Variants in PDE3A observed in about 807,000 individuals in gnomAD.
PDE3A encodes phosphodiesterase 3A, also known as cGMP-inhibited 3',5'-cyclic phosphodiesterase 3A.
Under a neutral mutation model 98.3 loss-of-function variants are expected in PDE3A, and 43 were observed. The ratio of observed to expected loss-of-function variants is 0.44; its 90% confidence interval spans 0.34 to 0.56. PDE3A has a LOEUF of 0.56. Among genes scored for constraint, PDE3A ranks in the 20% least tolerant of loss-of-function variants. PDE3A has a pLI of 0.01. For missense variants in PDE3A, 1,427 were observed against 1,440.7 expected (o/e 0.99, Z 0.15); for synonymous variants, 663 against 567.9 (o/e 1.17, Z -2.38).
At chr12:20,567,827 T>C (rs897738210) in intron 2 of PDE3A, among the ~76,000 whole-genome samples, 12 of 152,032 alleles carry the variant, frequency 7.9e-5, no homozygotes, top group Non-Finnish European at 1.6e-4. Flanking sequence ...TTGGCATTAC[T>C]ATTTCTGTTC....
chr12:20,582,791 T>TGC (rs1401082812), intron 2 of PDE3A, among the ~76,000 whole-genome samples: 3 of 152,120 alleles, frequency 2.0e-5, no homozygotes, highest in Non-Finnish European at 4.4e-5. Context: ...CAAAAACAAG[T>TGC]GCACTGGTGG....
At position 20,683,122 on chromosome 12, in the gene PDE3A, G is replaced by T. The variant is rs1945840076; in HGVS notation, c.*2851G>T. 6.6e-6 allele frequency: 1 copy of T among 152,130 alleles called. No homozygotes were observed. The highest frequency in any genetic ancestry group is 2.1e-4 in the South Asian group (1 of 4,828). The allele number at this position is 152,130 out of a possible 1,614,324, so 9.4% of individuals were successfully genotyped here. On this transcript the variant is annotated 3_prime_UTR_variant, in exon 16 of 16. Transcript: ENST00000359062. ...TCTTTAAAAATAAATTGCTATTACA[G>T]CTAGACGTCAATTGGGATAAATAAA...
At chr12:20,616,174 A>G in intron 3 of PDE3A, 56 bp from the exon 4 acceptor site, 2 of 1,491,116 alleles carry the variant, frequency 1.3e-6, no homozygotes, top group Admixed American at 3.6e-5. Flanking sequence ...ATTATATTAC[A>G]TAAAATTTAA....
chr12:20,441,349 C>T (rs934858148), intron 1 of PDE3A, among the ~76,000 whole-genome samples: 5 of 151,770 alleles, frequency 3.3e-5, no homozygotes, highest in Non-Finnish European at 5.9e-5. Context: ...CAGGGAGAGA[C>T]CTGAGAAAGA....
intron 2 of PDE3A, among the ~76,000 whole-genome samples, chr12:20,580,699 G>A (rs564744431): frequency 6.6e-6 from 1 of 152,176 alleles, no homozygotes; most frequent in South Asian, 2.1e-4. Flanking sequence ...ATTATATTTT[G>A]CTATTTATTT....
At chr12:20,631,626 A>G (rs1944378119) in intron 6 of PDE3A, among the ~76,000 whole-genome samples, 1 of 151,986 alleles carries the variant, frequency 6.6e-6, no homozygotes, top group African/African-American at 2.4e-5. Flanking sequence ...CTTTTGGGAA[A>G]TAAGTCCCCT....
intron 1 of PDE3A, among the ~76,000 whole-genome samples, chr12:20,413,423 A>G (rs569725766): frequency 3.0e-3 from 458 of 152,230 alleles, no homozygotes; most frequent in African/African-American, 0.01. Context: ...TTTTAAGTGG[A>G]AAAGTGGGCT....
rs1328483189 is a variant in PDE3A at position 20,368,810 on chromosome 12, A to G, written c.-475A>G. On this transcript the variant is annotated 5_prime_UTR_variant, in exon 1 of 16. Transcript: ENST00000359062. ...CCGCGGGCCCGGCGCGCTGCAGCGC[A>G]GCGCAGCGCCGAGCTGCGCCTCGGA... Among the ~76,000 whole-genome samples the G allele has an allele frequency of 6.6e-6, 1 of 151,758 alleles. No homozygotes were observed. The highest frequency in any genetic ancestry group is 2.4e-5 in the African/African-American group (1 of 41,358).
intron 1 of PDE3A, among the ~76,000 whole-genome samples, chr12:20,540,742 A>C (rs551143013): frequency 6.6e-6 from 1 of 152,202 alleles, no homozygotes; most frequent in African/African-American, 2.4e-5. Context: ...TAGGAAACTA[A>C]AGAATTTTTC....
intron 1 of PDE3A, among the ~76,000 whole-genome samples, chr12:20,469,244 T>A (rs1008433727): frequency 6.6e-6 from 1 of 152,208 alleles, no homozygotes; most frequent in African/African-American, 2.4e-5. Context: ...TTTTTCAAAT[T>A]TTCCTAGCCA....
rs79363436 is a variant in PDE3A, at chr12:20,444,831, C to T, written c.960+74587C>T. 2.1e-4 allele frequency among the ~76,000 whole-genome samples: 32 copies of T among 152,268 alleles called. 1 individual carries two copies. The East Asian group carries it at 6.2e-3, about 29-fold the overall frequency. ...GAATCAAGCCTTAAATTGTCTGCCTCAGGCATGGTAAGAAGACTTGGACAG... is the reference window on the plus strand; with the variant it reads ...GAATCAAGCCTTAAATTGTCTGCCTTAGGCATGGTAAGAAGACTTGGACAG... On this transcript the variant is annotated intron_variant, in intron 1 of 15. Transcript: ENST00000359062.
intron 1 of PDE3A, among the ~76,000 whole-genome samples, chr12:20,525,883 A>T (rs1056178813): frequency 6.6e-6 from 1 of 152,178 alleles, no homozygotes; most frequent in Admixed American, 6.5e-5. Flanking sequence ...TCTTATCAGT[A>T]CTGAGAACTG....
At chr12:20,570,216 G>C (rs74798403) in intron 2 of PDE3A, among the ~76,000 whole-genome samples, 5,577 of 151,856 alleles carry the variant, frequency 0.037, 311 homozygotes, top group African/African-American at 0.13. Flanking sequence ...AGACCAGCTT[G>C]GCCAATATGG....
Position 20,636,864 on chromosome 12 carries a change from G to A in PDE3A, c.2002-236G>A, listed in dbSNP as rs983154177. On this transcript the variant is annotated intron_variant, in intron 8 of 15. Coordinates refer to ENST00000359062, the MANE Select transcript of PDE3A (RefSeq NM_000921.5). ...CTGGAGTGTATATGGACCAGTGATAGGCAAGCACCTAATAGTGCAAAATTT... is the reference window on the plus strand; with the variant it reads ...CTGGAGTGTATATGGACCAGTGATAAGCAAGCACCTAATAGTGCAAAATTT... 7.9e-5 allele frequency among the ~76,000 whole-genome samples: 12 copies of A among 152,310 alleles called. No homozygotes were observed. In the East Asian group the frequency reaches 1.7e-3, roughly 22 times the overall value.
chr12:20,620,816 CAAA>C (rs11335379), intron 4 of PDE3A, among the ~76,000 whole-genome samples: 1 of 146,776 alleles, frequency 6.8e-6, no homozygotes, highest in African/African-American at 2.5e-5. Flanking sequence ...GGAAATAATG[CAAA>C]AAAAAAACAC....
Position 20,687,340 on chromosome 12 carries a change from C to T in PDE3A, c.*7069C>T, listed in dbSNP as rs1747263131. ...AGGATAATTTAGTATTATAGTATTG[C>T]TAACTTTAATAATTCTACCATATCT... On this transcript the variant is annotated 3_prime_UTR_variant, in exon 16 of 16. Transcript: ENST00000359062. Among the ~76,000 whole-genome samples, 1 of 151,900 alleles carries T rather than the reference C, an allele frequency of 6.6e-6. No individual in the cohort carries two copies. Among genetic ancestry groups the T allele is most frequent in the South Asian group, 2.1e-4 (1 of 4,832 alleles).
At position 20,369,630 on chromosome 12, in the gene PDE3A, C is replaced by G. The variant is rs763231909; in HGVS notation, c.346C>G (p.Arg116Gly). Residue 116 changes from arginine (R) to glycine (G), a missense_variant, in exon 1 of 16, where the codon CGG becomes GGG. By Grantham distance (125) the Arg-to-Gly change is moderately radical. This residue lies in a region of PDE3A where 1,012 missense variants were observed against 886.5 expected (regional missense o/e 1.14). Coordinates refer to ENST00000359062, the MANE Select transcript of PDE3A (RefSeq NM_000921.5). Reference protein sequence around the residue: ...GAEGGVFPGPRGGAPGGGARL... With the variant: ...GAEGGVFPGPGGGAPGGGARL... ...AGAAGGGGGCGTCTTCCCGGGGCCT[C>G]GGGGAGGTGCTCCCGGGGGCGGTGC... 1 of 1,587,698 alleles carries G rather than the reference C, an allele frequency of 6.3e-7. No homozygotes were observed. The highest frequency in any genetic ancestry group is 1.1e-5 in the South Asian group (1 of 88,610).
chr12:20,566,332 T>C (rs542306345), intron 2 of PDE3A, among the ~76,000 whole-genome samples: 210 of 152,018 alleles, frequency 1.4e-3, no homozygotes, highest in African/African-American at 4.8e-3. Flanking sequence ...TGCATCAAAA[T>C]AGTTTGCTCG....
chr12:20,499,459 A>T (rs552768267), intron 1 of PDE3A, among the ~76,000 whole-genome samples: 13 of 152,292 alleles, frequency 8.5e-5, no homozygotes, highest in African/African-American at 1.2e-4. Flanking sequence ...TATAATAACA[A>T]AAATGAAATT....
Sources: gnomAD v4.1 joint callset for allele counts (sites outside exome capture counted in the v4.1 genomes callset) on GRCh38, gnomAD v4.1.1 for gene constraint, gnomAD v4.1.1 regional missense constraint, MANE v1.5 for transcripts, NCBI Gene and HGNC (gene_info 2026-07-23, HGNC 2026-07-21) for gene names.